The following HOMER1 variants were observed in gnomAD, a reference collection of about 807,000 sequenced individuals.
HOMER1 encodes homer scaffold protein 1.
HOMER1 carries 3 observed loss-of-function variants against 48.9 expected under a neutral mutation model. The observed-to-expected ratio is 0.06, with a 90% CI of 0.03 to 0.16. The LOEUF (loss-of-function observed/expected upper bound fraction) is 0.16. Ranked by LOEUF, HOMER1 falls within the 10% of genes least tolerant of loss-of-function variation. The probability of loss-of-function intolerance (pLI) is 1.00; values close to 1 mark genes in which losing one functional copy is unlikely to be tolerated. For missense variants in HOMER1, 247 were observed against 411.4 expected, an observed-to-expected ratio of 0.60 and a Z score of 3.46; for synonymous variants, 134 against 146.4, an observed-to-expected ratio of 0.92 and a Z score of 0.61.
chr5:79,421,672 C>G (rs764148100), intron 5 of HOMER1, among the ~76,000 whole-genome samples: 12 of 151,454 alleles, frequency 7.9e-5, no homozygotes, highest in African/African-American at 9.7e-5. Flanking sequence ...ATGGCGCAAT[C>G]TTGGCTCACT....
intron 8 of HOMER1, among the ~76,000 whole-genome samples, chr5:79,380,287 C>T (rs1748933096): frequency 6.6e-6 from 1 of 152,168 alleles, no homozygotes; most frequent in Admixed American, 6.5e-5. Flanking sequence ...AGCACTAGCG[C>T]TGGGTGCCAC....
chr5:79,474,618 C>T (rs1446779902), intron 1 of HOMER1, among the ~76,000 whole-genome samples: 1 of 152,138 alleles, frequency 6.6e-6, no homozygotes, highest in African/African-American at 2.4e-5. Flanking sequence ...CACTCATTTG[C>T]CAAGAAACTC....
intron 6 of HOMER1, among the ~76,000 whole-genome samples, chr5:79,401,357 G>A (rs547518409): frequency 6.6e-6 from 1 of 152,158 alleles, no homozygotes; most frequent in Admixed American, 6.5e-5. Context: ...CTATTTTACA[G>A]ATGAGAATAC....
chr5:79,414,458 C>T (rs141193676), intron 5 of HOMER1, among the ~76,000 whole-genome samples: 28 of 152,136 alleles, frequency 1.8e-4, no homozygotes, highest in Non-Finnish European at 3.5e-4. Context: ...TAGCTCACTG[C>T]AACTCTGAAC....
intron 5 of HOMER1, among the ~76,000 whole-genome samples, chr5:79,418,722 T>C (rs146503210): frequency 2.6e-5 from 4 of 152,360 alleles, no homozygotes; most frequent in Admixed American, 1.3e-4. Context: ...GGATGGGTAC[T>C]TTGTCTTCCA....
At chr5:79,502,021 ATTT>A (rs10674187) in intron 1 of HOMER1, among the ~76,000 whole-genome samples, 2 of 130,046 alleles carry the variant, frequency 1.5e-5, no homozygotes, top group Admixed American at 8.5e-5. Flanking sequence ...GGTCCTGATA[ATTT>A]TTTTTTTTTT....
At chr5:79,479,364 G>A (rs1751882094) in intron 1 of HOMER1, among the ~76,000 whole-genome samples, 1 of 152,188 alleles carries the variant, frequency 6.6e-6, no homozygotes, top group African/African-American at 2.4e-5. Context: ...ATCTTGAGAT[G>A]GGGGGATTAC....
intron 8 of HOMER1, among the ~76,000 whole-genome samples, chr5:79,378,811 T>C (rs1343329088): frequency 1.3e-5 from 2 of 151,842 alleles, no homozygotes; most frequent in Non-Finnish European, 2.9e-5. Flanking sequence ...ACATTTTCAA[T>C]GGAAGCAAGC....
chr5:79,490,948 G>A (rs1195813946), intron 1 of HOMER1, among the ~76,000 whole-genome samples: 1 of 147,666 alleles, frequency 6.8e-6, no homozygotes, highest in Non-Finnish European at 1.5e-5. Flanking sequence ...TAAATAAATA[G>A]ATAAATAGAT....
chr5:79,394,581 A>G (rs953125619), intron 8 of HOMER1, among the ~76,000 whole-genome samples: 3 of 152,186 alleles, frequency 2.0e-5, no homozygotes, highest in Non-Finnish European at 4.4e-5. Flanking sequence ...AAATCCATTC[A>G]TTCATACATT....
rs376965500 is a variant in HOMER1 at position 79,486,084 on chromosome 5, G to T, written c.5+26686C>A. 1.6e-4 allele frequency among the ~76,000 whole-genome samples: 25 copies of T among 152,250 alleles called. 1 individual carries two copies. Among genetic ancestry groups the T allele is most frequent in the Admixed American group, 7.2e-4 (11 of 15,276 alleles). ...GTAAGGACAAGCAGCCTGTGGAGAG[G>T]AATCAAGAGGAATCAAGACCTCCAC... is the stretch of plus-strand genomic sequence containing the variant. On this transcript the variant is annotated intron_variant, in intron 1 of 8. Coordinates refer to ENST00000334082, the MANE Select transcript of HOMER1 (RefSeq NM_004272.5).
At chr5:79,459,356 A>G (rs1320629822) in intron 1 of HOMER1, among the ~76,000 whole-genome samples, 1 of 152,220 alleles carries the variant, frequency 6.6e-6, no homozygotes, top group African/African-American at 2.4e-5. Context: ...TAATCCACAC[A>G]ATTTAATTCC....
At chr5:79,487,430 A>T (rs1431598432) in intron 1 of HOMER1, among the ~76,000 whole-genome samples, 2 of 152,238 alleles carry the variant, frequency 1.3e-5, no homozygotes, top group Admixed American at 6.5e-5. Flanking sequence ...GGCAAGAAGC[A>T]TACCACACCA....
intron 1 of HOMER1, among the ~76,000 whole-genome samples, chr5:79,492,625 G>A (rs988634580): frequency 2.6e-5 from 4 of 152,062 alleles, no homozygotes; most frequent in Admixed American, 1.3e-4. Context: ...AAACGCAGTC[G>A]CAGCCCTCAA....
chr5:79,397,959 G>A (rs1424028006), intron 6 of HOMER1: 6 of 170,250 alleles, frequency 3.5e-5, no homozygotes, highest in Non-Finnish European at 6.2e-5. Flanking sequence ...GATCAGATAT[G>A]ACCATCTGTC....
chr5:79,455,185 C>T (rs1333966255), intron 2 of HOMER1, among the ~76,000 whole-genome samples: 4 of 151,890 alleles, frequency 2.6e-5, no homozygotes, highest in Non-Finnish European at 4.4e-5. Context: ...GATCCTCATG[C>T]CTCGGCCTCC....
chr5:79,503,958 T>C (rs534931856), intron 1 of HOMER1, among the ~76,000 whole-genome samples: 1 of 152,326 alleles, frequency 6.6e-6, no homozygotes, highest in Admixed American at 6.5e-5. Context: ...AGGGCATCTG[T>C]ACTAAAATGT....
rs1751050554 is a variant in HOMER1 at position 79,452,285 on chromosome 5, A to G, written c.163-1164T>C. Among the ~76,000 whole-genome samples the G allele has an allele frequency of 3.3e-5, 5 of 152,214 alleles. No individual in the cohort carries two copies. The South Asian group carries it at 8.3e-4, about 25-fold the overall frequency. Reference sequence around the variant, plus strand: ...TTGCTATCATTTTTGTTTCACACATAATTTCTTAGAAAACTAGTATTTTAG... The same window carrying G: ...TTGCTATCATTTTTGTTTCACACATGATTTCTTAGAAAACTAGTATTTTAG... On this transcript the variant is annotated intron_variant, in intron 2 of 8. Transcript: ENST00000334082.
At chr5:79,423,721 G>A (rs1188770549) in intron 5 of HOMER1, among the ~76,000 whole-genome samples, 1 of 152,026 alleles carries the variant, frequency 6.6e-6, no homozygotes, top group African/African-American at 2.4e-5. Flanking sequence ...ACTAAAGGCA[G>A]GATCACTTTA....
Sources: allele counts gnomAD v4.1 joint callset (sites outside exome capture counted in the v4.1 genomes callset), GRCh38; gene constraint gnomAD v4.1.1; transcripts MANE v1.5; gene names NCBI Gene and HGNC (gene_info 2026-07-23, HGNC 2026-07-21).